Variants in NETO1 observed in about 807,000 individuals in gnomAD.
The protein encoded by NETO1 is neuropilin and tolloid-like protein 1.
NETO1 carries 26 observed loss-of-function variants against 61.3 expected under a neutral mutation model. The observed-to-expected ratio is 0.42, with a 90% CI of 0.31 to 0.59. NETO1 has a LOEUF of 0.59. Ranked by LOEUF, NETO1 falls within the 20% of genes least tolerant of loss-of-function variation. The pLI is 0.12. For missense variants in NETO1, 531 were observed against 662.8 expected, an observed-to-expected ratio of 0.80 and a Z score of 2.18; for synonymous variants, 225 against 225.8, an observed-to-expected ratio of 1.00 and a Z score of 0.03.
intron 7 of NETO1, 41 bp from the exon 8 acceptor site, chr18:72,756,188 C>T (rs747770599): frequency 2.1e-6 from 2 of 968,466 alleles, no homozygotes; most frequent in Admixed American, 1.8e-5. Context: ...AAAGTTATAA[C>T]TGACATTCAG....
intron 4 of NETO1, among the ~76,000 whole-genome samples, chr18:72,831,114 C>T (rs1343239426): frequency 6.6e-6 from 1 of 152,156 alleles, no homozygotes; most frequent in African/African-American, 2.4e-5. Context: ...AAACAACAGC[C>T]CATCTATTCA....
At chr18:72,861,617 C>A (rs1490308837) in intron 3 of NETO1, among the ~76,000 whole-genome samples, 3 of 152,180 alleles carry the variant, frequency 2.0e-5, no homozygotes, top group African/African-American at 7.2e-5. Flanking sequence ...AGAATATTTC[C>A]TCCATTTTGA....
chr18:72,831,715 A>G (rs1216068824), intron 4 of NETO1, among the ~76,000 whole-genome samples: 1 of 152,236 alleles, frequency 6.6e-6, no homozygotes, highest in Non-Finnish European at 1.5e-5. Context: ...TTAGCATAAA[A>G]AACACTCACA....
At chr18:72,816,785 G>C (rs965434630) in intron 4 of NETO1, among the ~76,000 whole-genome samples, 1 of 151,914 alleles carries the variant, frequency 6.6e-6, no homozygotes, top group African/African-American at 2.4e-5. Flanking sequence ...CTGGGGGTGG[G>C]GAGCTTGCCT....
chr18:72,774,096 T>C (rs2071466489), intron 7 of NETO1, among the ~76,000 whole-genome samples: 1 of 152,182 alleles, frequency 6.6e-6, no homozygotes, highest in African/African-American at 2.4e-5. Flanking sequence ...TTTCCTCTTC[T>C]ATTTTATATG....
intron 7 of NETO1, among the ~76,000 whole-genome samples, chr18:72,767,758 G>C (rs1382062811): frequency 6.6e-6 from 1 of 152,058 alleles, no homozygotes; most frequent in Non-Finnish European, 1.5e-5. Flanking sequence ...AGGAAGGAAG[G>C]AAGGAAAGAA....
In NETO1 at chr18:72,799,669, G is replaced by A. The variant is rs552792562; in HGVS notation, c.470-5265C>T. On this transcript the variant is annotated intron_variant, in intron 4 of 10. Coordinates refer to ENST00000327305, the MANE Select transcript of NETO1 (RefSeq NM_138966.5). ...GATTAAAACTATCAACCACATTAAA[G>A]TACATGCCCTTAACTCACATCTGCT... 2.6e-5 allele frequency among the ~76,000 whole-genome samples: 4 copies of A among 152,366 alleles called. No individual in the cohort carries two copies. In the East Asian group the frequency reaches 7.7e-4, roughly 29 times the overall value.
chr18:72,790,658 C>T lies in NETO1; in HGVS notation c.639+3459G>A, dbSNP rs116434895. Among the ~76,000 whole-genome samples, 782 of 152,182 alleles carry T rather than the reference C, an allele frequency of 5.1e-3. 6 individuals carry two copies. The highest frequency in any genetic ancestry group is 0.018 in the African/African-American group (745 of 41,536). ...TAAAATAAAAGGCTTCTCTGTGTTACATTAACAGCTATTTCTCTAGTTTCA... is the reference window on the plus strand; with the variant it reads ...TAAAATAAAAGGCTTCTCTGTGTTATATTAACAGCTATTTCTCTAGTTTCA... On this transcript the variant is annotated intron_variant, in intron 6 of 10. Coordinates refer to ENST00000327305, the MANE Select transcript of NETO1 (RefSeq NM_138966.5).
At chr18:72,765,398 A>C (rs1466171114) in intron 7 of NETO1, among the ~76,000 whole-genome samples, 2 of 152,028 alleles carry the variant, frequency 1.3e-5, no homozygotes, top group African/African-American at 4.8e-5. Flanking sequence ...TTGGTGACAG[A>C]CTATATATCA....
intron 4 of NETO1, among the ~76,000 whole-genome samples, chr18:72,810,842 A>G (rs1001125872): frequency 2.0e-5 from 3 of 152,176 alleles, no homozygotes; most frequent in Non-Finnish European, 4.4e-5. Context: ...CATATTTTTT[A>G]GGTTCGGTGA....
chr18:72,862,352 T>C (rs1599189185), intron 3 of NETO1, among the ~76,000 whole-genome samples: 1 of 152,314 alleles, frequency 6.6e-6, no homozygotes, highest in East Asian at 1.9e-4. Context: ...ACAATCTCTA[T>C]ATTTATGACG....
At chr18:72,811,645 A>G (rs1387872408) in intron 4 of NETO1, among the ~76,000 whole-genome samples, 4 of 152,108 alleles carry the variant, frequency 2.6e-5, no homozygotes, top group African/African-American at 9.7e-5. Flanking sequence ...TCTCTACAAA[A>G]TAAAGTAAAA....
intron 7 of NETO1, among the ~76,000 whole-genome samples, chr18:72,764,601 C>T (rs34029684): frequency 0.31 from 46,386 of 151,912 alleles, 8,242 homozygotes; most frequent in South Asian, 0.48. Flanking sequence ...AGGGGGCTTA[C>T]ATCCCCAGCT....
intron 4 of NETO1, among the ~76,000 whole-genome samples, chr18:72,808,030 G>T (rs2072737804): frequency 6.6e-6 from 1 of 152,122 alleles, no homozygotes; most frequent in Non-Finnish European, 1.5e-5. Context: ...TTTCTTGTTG[G>T]CAGAAATGTG....
intron 4 of NETO1, among the ~76,000 whole-genome samples, chr18:72,800,739 C>T (rs1274605882): frequency 6.6e-6 from 1 of 152,152 alleles, no homozygotes; most frequent in African/African-American, 2.4e-5. Context: ...TCTTGACCCT[C>T]TCTATCTAGG....
chr18:72,811,861 CCTT>C (rs1267114737), intron 4 of NETO1, among the ~76,000 whole-genome samples: 3 of 152,090 alleles, frequency 2.0e-5, no homozygotes, highest in Non-Finnish European at 4.4e-5. Context: ...GGTTCTGAAA[CCTT>C]CTTTTGGTTC....
chr18:72,866,838 C>A (rs1362799805), intron 1 of NETO1: 6 of 996,280 alleles, frequency 6.0e-6, no homozygotes, highest in Non-Finnish European at 7.2e-6. Flanking sequence ...GTGCCTTCTG[C>A]TACCTCCTGT....
At position 72,843,908 on chromosome 18, in the gene NETO1, G is replaced by A. The variant is rs10514057; in HGVS notation, c.469+14918C>T. On this transcript the variant is annotated intron_variant, in intron 4 of 10. Coordinates refer to ENST00000327305, the MANE Select transcript of NETO1 (RefSeq NM_138966.5). ...CGTGTTCTAATTTGCTTAGATAAGC[G>A]TATTAGCTCAAACTCATATAATGTT... is the stretch of plus-strand genomic sequence containing the variant. 5.7e-3 allele frequency among the ~76,000 whole-genome samples: 860 copies of A among 152,062 alleles called. 8 individuals are homozygous for A. Among genetic ancestry groups the A allele is most frequent in the African/African-American group, 0.02 (832 of 41,472 alleles).
At chr18:72,762,471 T>C (rs1302957168) in intron 7 of NETO1, among the ~76,000 whole-genome samples, 3 of 152,184 alleles carry the variant, frequency 2.0e-5, no homozygotes, top group Non-Finnish European at 4.4e-5. Flanking sequence ...GGAGAAATTT[T>C]CCATATATAC....
Sources: allele counts gnomAD v4.1 joint callset (sites outside exome capture counted in the v4.1 genomes callset), GRCh38; gene constraint gnomAD v4.1.1; transcripts MANE v1.5; gene names NCBI Gene and HGNC (gene_info 2026-07-23, HGNC 2026-07-21).